The following TMEM132B variants were observed in gnomAD, a reference collection of about 807,000 sequenced individuals.
TMEM132B encodes the protein transmembrane protein 132B.
TMEM132B carries 18 observed loss-of-function variants against 90.8 expected under a neutral mutation model. The observed-to-expected ratio is 0.20, with a 90% CI of 0.14 to 0.29. The LOEUF (loss-of-function observed/expected upper bound fraction) is 0.29, where lower values mean the gene tolerates loss of function less well. Among genes scored for constraint, TMEM132B ranks in the 10% least tolerant of loss-of-function variants. TMEM132B has a pLI of 1.00. For synonymous variants in TMEM132B, 504 were observed against 523.3 expected (o/e 0.96, Z 0.50); for missense variants, 1,096 against 1,326.8 (o/e 0.83, Z 2.70).
At chr12:125,295,630 A>G (rs1356408016) in intron 1 of TMEM132B, among the ~76,000 whole-genome samples, 3 of 152,086 alleles carry the variant, frequency 2.0e-5, no homozygotes, top group Admixed American at 6.5e-5. Flanking sequence ...ATCTCCTTAG[A>G]CATCTCCTTT....
chr12:125,275,879 A>G (rs538179560), intron 1 of TMEM132B, among the ~76,000 whole-genome samples: 1 of 152,146 alleles, frequency 6.6e-6, no homozygotes, highest in Non-Finnish European at 1.5e-5. Flanking sequence ...ATGCCTGGCT[A>G]ATTTTTTAAG....
intron 3 of TMEM132B, among the ~76,000 whole-genome samples, chr12:125,471,486 T>A (rs1217831453): frequency 6.6e-6 from 1 of 152,200 alleles, no homozygotes; most frequent in African/African-American, 2.4e-5. Flanking sequence ...TAATCACAGA[T>A]GATTTTAAAG....
chr12:125,259,546 G>T (rs2136108913), intron 1 of TMEM132B, among the ~76,000 whole-genome samples: 1 of 152,282 alleles, frequency 6.6e-6, no homozygotes, highest in Non-Finnish European at 1.5e-5. Context: ...AAGGGCCGTT[G>T]GGTCTTTTAA....
At chr12:125,640,168 G>A (rs781579673) in intron 5 of TMEM132B, among the ~76,000 whole-genome samples, 3 of 152,214 alleles carry the variant, frequency 2.0e-5, no homozygotes, top group Non-Finnish European at 2.9e-5. Flanking sequence ...AGCCCCAGTA[G>A]CCTTCTCACA....
rs142237628 is a variant in TMEM132B, at chr12:125,246,378, G to T, written c.67+59512G>T. Among the ~76,000 whole-genome samples the T allele has an allele frequency of 6.6e-5, 10 of 152,278 alleles. No homozygotes were observed. The East Asian group carries it at 9.6e-4, about 15-fold the overall frequency. ...CAAAGGATTATGAATATGAATAGGGGACTCGTTCTGTTCTGAGGAAGTCAG... is the reference window on the plus strand; with the variant it reads ...CAAAGGATTATGAATATGAATAGGGTACTCGTTCTGTTCTGAGGAAGTCAG... On this transcript the variant is annotated intron_variant, in intron 1 of 8. Transcript: ENST00000682704. The surrounding 1 kb of genome is among the most constrained non-coding windows in gnomAD (Gnocchi z 4.2).
rs868297158 is a variant in TMEM132B, at chr12:125,432,546, G to T, written c.1106+16869G>T. Among the ~76,000 whole-genome samples, 2 of 71,176 alleles carry T rather than the reference G, an allele frequency of 2.8e-5. 1 individual carries two copies. The highest frequency in any genetic ancestry group is 5.6e-5 in the Non-Finnish European group (2 of 35,794). 46.7% of individuals were successfully genotyped at this position (71,176 alleles called of 152,430 possible). ...ATATATATAGAGAGAGAGAGAGAGA[G>T]AGAGAGAGAGAGAGAGAGAGAAAGA... On this transcript the variant is annotated intron_variant, in intron 3 of 8. Transcript: ENST00000682704.
chr12:125,471,830 C>T (rs11058190), intron 3 of TMEM132B, among the ~76,000 whole-genome samples: 1 of 152,180 alleles, frequency 6.6e-6, no homozygotes, highest in East Asian at 1.9e-4. Flanking sequence ...CCCCTTGTCA[C>T]TGATGGGAAG....
intron 3 of TMEM132B, among the ~76,000 whole-genome samples, chr12:125,418,042 G>A (rs182386600): frequency 4.6e-5 from 7 of 152,312 alleles, no homozygotes; most frequent in Non-Finnish European, 1.5e-5. Context: ...GCCTCCTGCT[G>A]TTGTGCTACA....
intron 1 of TMEM132B, among the ~76,000 whole-genome samples, chr12:125,289,897 A>G (rs946185443): frequency 1.3e-5 from 2 of 152,168 alleles, no homozygotes; most frequent in African/African-American, 4.8e-5. Flanking sequence ...TCACCTTGGG[A>G]AGGTTTCCAA....
In TMEM132B at chr12:125,657,564, G is replaced by A. The variant is rs149344405; in HGVS notation, c.*2854G>A. On this transcript the variant is annotated 3_prime_UTR_variant, in exon 9 of 9. Transcript: ENST00000682704. Reference sequence around the variant, plus strand: ...CAGCTAGTCAATATACAACTATTAGGTGCTGTGCCCCAAAATATCTAAAAT... The same window carrying A: ...CAGCTAGTCAATATACAACTATTAGATGCTGTGCCCCAAAATATCTAAAAT... 1.1e-4 allele frequency: 16 copies of A among 152,130 alleles called. No individual in the cohort carries two copies. Among genetic ancestry groups the A allele is most frequent in the Admixed American group, 5.9e-4 (9 of 15,292 alleles). 9.4% of individuals were successfully genotyped at this position (152,130 alleles called of 1,614,324 possible). A position where few individuals can be genotyped will look rare whatever the true frequency, so the allele number is the denominator to read the frequency against.
At position 125,653,913 on chromosome 12, in the gene TMEM132B, C is replaced by T; in HGVS notation, c.2455C>T (p.Leu819Phe). ...EGINREYKDH[L>F]SNSIEREGNQ... ...CATAAATCGGGAATATAAAGACCAC[C>T]TCAGTAATTCCATAGAGCGCGAAGG... Residue 819 changes from leucine to phenylalanine, a missense_variant, in exon 9 of 9, where the codon CTC becomes TTC. Physicochemically the swap from Leu to Phe is conservative, Grantham distance 22. Coordinates refer to ENST00000682704, the MANE Select transcript of TMEM132B (RefSeq NM_001366854.1). 6.2e-7 allele frequency: 1 copy of T among 1,614,140 alleles called. No homozygotes were observed. Among genetic ancestry groups the T allele is most frequent in the Non-Finnish European group, 8.5e-7 (1 of 1,180,038 alleles).
At chr12:125,237,714 G>T (rs958362771) in intron 1 of TMEM132B, among the ~76,000 whole-genome samples, 1 of 152,228 alleles carries the variant, frequency 6.6e-6, no homozygotes, top group African/African-American at 2.4e-5. Context: ...CTCCCAAAGT[G>T]CTGGGATTGC....
At chr12:125,496,107 TGGGATGCCAGCCA>T (rs1387722847) in intron 3 of TMEM132B, among the ~76,000 whole-genome samples, 5 of 152,194 alleles carry the variant, frequency 3.3e-5, no homozygotes, top group African/African-American at 1.2e-4. Context: ...TGAATCACAG[TGGGATGCCAGCCA>T]CTTAACTCCA....
At chr12:125,425,809 T>C (rs1017789208) in intron 3 of TMEM132B, among the ~76,000 whole-genome samples, 2 of 152,246 alleles carry the variant, frequency 1.3e-5, no homozygotes, top group Admixed American at 6.5e-5. Flanking sequence ...TGAATGACAT[T>C]CCATTGCCTG....
At chr12:125,404,759 C>A (rs1354626534) in intron 2 of TMEM132B, among the ~76,000 whole-genome samples, 4 of 152,184 alleles carry the variant, frequency 2.6e-5, no homozygotes, top group Admixed American at 6.5e-5. Context: ...TGCTCCTAAT[C>A]CTTCTCTCTC....
chr12:125,418,749 C>T (rs1236935947), intron 3 of TMEM132B, among the ~76,000 whole-genome samples: 4 of 152,148 alleles, frequency 2.6e-5, no homozygotes, highest in East Asian at 3.9e-4. Context: ...TGGGAAGACC[C>T]GACATGCTCA....
intron 1 of TMEM132B, among the ~76,000 whole-genome samples, chr12:125,225,491 T>C (rs1873658224): frequency 6.6e-6 from 1 of 152,258 alleles, no homozygotes; most frequent in Non-Finnish European, 1.5e-5. Flanking sequence ...AGTTCATTTC[T>C]GGCTGTGCTA....
Position 125,649,797 on chromosome 12 carries a change from G to A in TMEM132B, c.1644-886G>A, listed in dbSNP as rs77167326. Among the ~76,000 whole-genome samples, 956 of 152,266 alleles carry A rather than the reference G, an allele frequency of 6.3e-3. 7 individuals carry two copies. The highest frequency in any genetic ancestry group is 0.021 in the African/African-American group (869 of 41,540). Reference sequence around the variant, plus strand: ...AGGACTGCTACTTCTTGAGGGGAACGTTCTGGAATTGCAGAGCCAGAGAGA... The same window carrying A: ...AGGACTGCTACTTCTTGAGGGGAACATTCTGGAATTGCAGAGCCAGAGAGA... On this transcript the variant is annotated intron_variant, in intron 6 of 8. Transcript: ENST00000682704.
intron 1 of TMEM132B, among the ~76,000 whole-genome samples, chr12:125,247,035 C>T (rs1020102035): frequency 1.3e-5 from 2 of 152,132 alleles, no homozygotes; most frequent in African/African-American, 4.8e-5. Context: ...AGAGGGGACC[C>T]TCCCCTATGC....
Sources: allele counts gnomAD v4.1 joint callset (sites outside exome capture counted in the v4.1 genomes callset), GRCh38; gene constraint gnomAD v4.1.1; non-coding constraint Gnocchi (gnomAD v3.1); transcripts MANE v1.5; gene names NCBI Gene and HGNC (gene_info 2026-07-23, HGNC 2026-07-21).